Variants in LRP1B observed in about 807,000 individuals in gnomAD.
LRP1B encodes the protein low-density lipoprotein receptor-related protein 1B.
A neutral mutation model predicts 556.6 loss-of-function variants in LRP1B; 217 were observed. The observed-to-expected ratio is 0.39, with a 90% CI of 0.35 to 0.44. The LOEUF (loss-of-function observed/expected upper bound fraction) is 0.44, where lower values mean the gene tolerates loss of function less well. Among genes scored for constraint, LRP1B ranks in the 20% least tolerant of loss-of-function variants. The pLI, the probability that LRP1B is intolerant of heterozygous loss-of-function variation, is 1.00. For missense variants in LRP1B, 5,053 were observed against 5,620.8 expected (o/e 0.90, Z 3.23); for synonymous variants, 2,047 against 1,865.8 (o/e 1.10, Z -2.50).
At chr2:141,898,821 A>G (rs1299254909) in intron 1 of LRP1B, among the ~76,000 whole-genome samples, 1 of 152,156 alleles carries the variant, frequency 6.6e-6, no homozygotes, top group Non-Finnish European at 1.5e-5. Context: ...ATAATTTGTT[A>G]TAGAATAAAG....
intron 34 of LRP1B, among the ~76,000 whole-genome samples, chr2:140,770,291 T>C (rs1689265620): frequency 6.6e-6 from 1 of 151,908 alleles, no homozygotes; most frequent in South Asian, 2.1e-4. Flanking sequence ...TATAGATATA[T>C]AGATATTTCT....
intron 1 of LRP1B, among the ~76,000 whole-genome samples, chr2:142,041,167 C>A (rs1704052320): frequency 6.6e-6 from 1 of 150,626 alleles, no homozygotes; most frequent in Non-Finnish European, 1.5e-5. Context: ...TAGTTGAATT[C>A]TCATACTTTT....
At chr2:141,242,612 G>A (rs1028477327) in intron 5 of LRP1B, among the ~76,000 whole-genome samples, 2 of 151,886 alleles carry the variant, frequency 1.3e-5, no homozygotes, top group Admixed American at 6.6e-5. Flanking sequence ...TTTTTTAATA[G>A]GCTCTCTACT....
intron 7 of LRP1B, among the ~76,000 whole-genome samples, chr2:141,136,690 T>A (rs1701501629): frequency 6.6e-6 from 1 of 151,596 alleles, no homozygotes; most frequent in Non-Finnish European, 1.5e-5. Context: ...AGGTACCTAT[T>A]ATATTTGTAA....
chr2:141,283,091 A>T (rs1424888019), intron 3 of LRP1B, among the ~76,000 whole-genome samples: 1 of 152,174 alleles, frequency 6.6e-6, no homozygotes, highest in African/African-American at 2.4e-5. Context: ...ATTCAAGTTT[A>T]TACACAAGAT....
At chr2:141,640,507 C>T (rs568227839) in intron 2 of LRP1B, among the ~76,000 whole-genome samples, 60 of 152,232 alleles carry the variant, frequency 3.9e-4, no homozygotes, top group African/African-American at 1.4e-3. Context: ...CAGAAAGAGG[C>T]TGGGCACGGT....
At chr2:140,304,276 T>G (rs1683967698) in intron 83 of LRP1B, among the ~76,000 whole-genome samples, 1 of 151,926 alleles carries the variant, frequency 6.6e-6, no homozygotes, top group Non-Finnish European at 1.5e-5. Flanking sequence ...GTAAACTGGT[T>G]CAGTGTAAAA....
intron 33 of LRP1B, 79 bp downstream of exon 33, chr2:140,776,019 T>G: frequency 8.5e-7 from 1 of 1,177,082 alleles, no homozygotes; most frequent in Non-Finnish European, 1.2e-6. Context: ...AAACCTTTTA[T>G]TGTTGAATTG....
At chr2:140,751,755 A>G (rs2104896119) in intron 35 of LRP1B, among the ~76,000 whole-genome samples, 1 of 152,324 alleles carries the variant, frequency 6.6e-6, no homozygotes. Context: ...ACCTTTAAAA[A>G]GACATTCTCT....
At chr2:140,287,395 A>T (rs1461227814) in intron 84 of LRP1B, among the ~76,000 whole-genome samples, 1 of 151,678 alleles carries the variant, frequency 6.6e-6, no homozygotes, top group African/African-American at 2.4e-5. Context: ...CTGAGATGTT[A>T]ATCGAGAAAT....
At position 141,863,738 on chromosome 2, in the gene LRP1B, G is replaced by C. The variant is rs188795888; in HGVS notation, c.83-53337C>G. Among the ~76,000 whole-genome samples the C allele has an allele frequency of 2.3e-3, 351 of 152,194 alleles. 2 individuals carry two copies. Among genetic ancestry groups the C allele is most frequent in the African/African-American group, 7.8e-3 (323 of 41,520 alleles). Reference sequence around the variant, plus strand: ...CAAAGCACTTATTCCAAAGTTTGAAGTAATTGCTACTTGTTGAGCTATAAA... The same window carrying C: ...CAAAGCACTTATTCCAAAGTTTGAACTAATTGCTACTTGTTGAGCTATAAA... On this transcript the variant is annotated intron_variant, in intron 1 of 90. Coordinates refer to ENST00000389484, the MANE Select transcript of LRP1B (RefSeq NM_018557.3).
chr2:140,363,838 C>T (rs77141648), intron 72 of LRP1B, among the ~76,000 whole-genome samples: 4,256 of 151,508 alleles, frequency 0.028, 74 homozygotes, highest in African/African-American at 0.036. Flanking sequence ...AGTGTAAGTA[C>T]GTACACTCAT....
intron 1 of LRP1B, among the ~76,000 whole-genome samples, chr2:141,935,890 C>A (rs1700622605): frequency 6.6e-6 from 1 of 152,092 alleles, no homozygotes; most frequent in Admixed American, 6.6e-5. Flanking sequence ...GTGTTCAAGG[C>A]CAGCCAAAGC....
chr2:141,532,224 AAC>A (rs1212976629), intron 2 of LRP1B, among the ~76,000 whole-genome samples: 2 of 152,102 alleles, frequency 1.3e-5, no homozygotes, highest in Non-Finnish European at 2.9e-5. Flanking sequence ...AGAAATGAAA[AAC>A]AGTTTGAAAA....
intron 1 of LRP1B, among the ~76,000 whole-genome samples, chr2:142,084,010 C>T (rs576396040): frequency 2.0e-5 from 3 of 147,870 alleles, no homozygotes; most frequent in East Asian, 4.0e-4. Flanking sequence ...GATGGAGTCT[C>T]ATTCTGTCTC....
At chr2:140,514,468 C>T (rs557125598) in intron 51 of LRP1B, among the ~76,000 whole-genome samples, 185 bp downstream of exon 51, 1 of 151,896 alleles carries the variant, frequency 6.6e-6, no homozygotes, top group East Asian at 1.9e-4. Flanking sequence ...TATTGAATAA[C>T]AGCTTTATAT....
intron 6 of LRP1B, among the ~76,000 whole-genome samples, chr2:141,215,046 G>A (rs1246350002): frequency 3.3e-5 from 5 of 152,170 alleles, no homozygotes; most frequent in South Asian, 2.1e-4. Context: ...TGTAATCCCC[G>A]ATGTTGGAGG....
chr2:141,130,374 T>C (rs1164921064), intron 7 of LRP1B, among the ~76,000 whole-genome samples: 1 of 152,114 alleles, frequency 6.6e-6, no homozygotes, highest in East Asian at 1.9e-4. Flanking sequence ...TAAAATTATA[T>C]TTCATACTAT....
chr2:141,254,097 T>A (rs1286249973), intron 4 of LRP1B, among the ~76,000 whole-genome samples: 3 of 152,110 alleles, frequency 2.0e-5, no homozygotes, highest in African/African-American at 7.2e-5. Context: ...TACATTATTA[T>A]TGCTATGGTT....
Sources: gnomAD v4.1 joint callset for allele counts (sites outside exome capture counted in the v4.1 genomes callset) on GRCh38, gnomAD v4.1.1 for gene constraint, MANE v1.5 for transcripts, NCBI Gene and HGNC (gene_info 2026-07-23, HGNC 2026-07-21) for gene names.